The following GLB1 variants were observed in gnomAD, a reference collection of about 807,000 sequenced individuals.
GLB1 encodes beta-galactosidase.
Under a neutral mutation model 74.0 loss-of-function variants are expected in GLB1, and 56 were observed. That is an observed-to-expected ratio of 0.76 (90% CI 0.61 to 0.94). The LOEUF (loss-of-function observed/expected upper bound fraction) is 0.94. Ranked by LOEUF, GLB1 falls within the 40% of genes least tolerant of loss-of-function variation. The pLI, the probability that GLB1 is intolerant of heterozygous loss-of-function variation, is 0.00. For missense variants in GLB1, 787 were observed against 845.5 expected, an observed-to-expected ratio of 0.93 and a Z score of 0.86; for synonymous variants, 323 against 323.6, an observed-to-expected ratio of 1.00 and a Z score of 0.02.
chr3:33,041,750 A>G (rs1232261643), intron 10 of GLB1, among the ~76,000 whole-genome samples: 1 of 152,110 alleles, frequency 6.6e-6, no homozygotes, highest in Non-Finnish European at 1.5e-5. Flanking sequence ...AAGAATTAAT[A>G]TAACTTGCTT....
chr3:33,013,841 A>G (rs539028459), intron 15 of GLB1, among the ~76,000 whole-genome samples: 1 of 152,268 alleles, frequency 6.6e-6, no homozygotes, highest in African/African-American at 2.4e-5. Flanking sequence ...CATTCACTAC[A>G]GGAAGCCAAT....
At chr3:33,016,628 A>C in intron 14 of GLB1, 81 bp downstream of exon 14, 1 of 1,597,674 alleles carries the variant, frequency 6.3e-7, no homozygotes, top group Middle Eastern at 1.7e-4. Flanking sequence ...CTGAGATTAC[A>C]GGTGTGAGCC....
chr3:33,078,410 A>G (rs183895494), intron 1 of GLB1, among the ~76,000 whole-genome samples: 1 of 152,350 alleles, frequency 6.6e-6, no homozygotes, highest in African/African-American at 2.4e-5. Context: ...CCATCTGCTC[A>G]ATTTCAGCCT....
chr3:33,081,620 C>T (rs991045606), intron 1 of GLB1, among the ~76,000 whole-genome samples: 3 of 152,226 alleles, frequency 2.0e-5, no homozygotes, highest in African/African-American at 7.2e-5. Context: ...TGGGGCCATC[C>T]TCTGCAGGCA....
rs139907977 is a variant in GLB1 at position 33,024,204 on chromosome 3, C to T, written c.1143+47G>A. The T allele has an allele frequency of 0.012, 18,577 of 1,564,226 alleles. 148 individuals carry two copies. Among genetic ancestry groups the T allele is most frequent in the Non-Finnish European group, 0.014 (16,575 of 1,152,800 alleles). On this transcript the variant is annotated intron_variant, in intron 11 of 15. Transcript: ENST00000307363. ...TCACTGCTACTAAATTCCACTTTCT[C>T]ACTCCCATCTCTCACTTTCAAAGTT... is the stretch of plus-strand genomic sequence containing the variant.
At chr3:33,007,073 G>C (rs1041992951) in intron 15 of GLB1, among the ~76,000 whole-genome samples, 1 of 152,162 alleles carries the variant, frequency 6.6e-6, no homozygotes, top group African/African-American at 2.4e-5. Flanking sequence ...GCTGGCCTGG[G>C]ACTGTCCCCA....
rs9882717 is a variant in GLB1 at position 33,067,947 on chromosome 3, A to G, written c.457+283T>C. 0.095 allele frequency among the ~76,000 whole-genome samples: 14,507 copies of G among 152,156 alleles called. 2,096 individuals are homozygous for G. The highest frequency in any genetic ancestry group is 0.32 in the African/African-American group (13,122 of 41,432). On this transcript the variant is annotated intron_variant, in intron 4 of 15. Coordinates refer to ENST00000307363, the MANE Select transcript of GLB1 (RefSeq NM_000404.4). ...GTCACCCAGGCTATAGTGCATTGATACGATCTCGGTTCACTGCAACTTCCG... is the reference window on the plus strand; with the variant it reads ...GTCACCCAGGCTATAGTGCATTGATGCGATCTCGGTTCACTGCAACTTCCG...
the GLB1 span, among the ~76,000 whole-genome samples, chr3:32,989,552 A>G: frequency 6.6e-6 from 1 of 152,184 alleles, no homozygotes; most frequent in African/African-American, 2.4e-5. Flanking sequence ...GGGGACCCAC[A>G]TATACCGGGC....
At chr3:33,036,494 C>T (rs1037976120) in intron 10 of GLB1, among the ~76,000 whole-genome samples, 1 of 152,016 alleles carries the variant, frequency 6.6e-6, no homozygotes, top group Non-Finnish European at 1.5e-5. Flanking sequence ...TAAAAATAAG[C>T]CTACCAGCAA....
intron 1 of GLB1, among the ~76,000 whole-genome samples, chr3:33,076,447 A>G (rs1274613666): frequency 6.6e-6 from 1 of 152,228 alleles, no homozygotes; most frequent in Non-Finnish European, 1.5e-5. Context: ...TGATAGGACC[A>G]GATATGTGTT....
intron 10 of GLB1, among the ~76,000 whole-genome samples, chr3:33,043,416 C>A (rs1698584319): frequency 6.6e-6 from 1 of 151,980 alleles, no homozygotes; most frequent in Non-Finnish European, 1.5e-5. Flanking sequence ...GTATAGATGT[C>A]ACACTTAAAT....
At chr3:33,060,322 C>T (rs1699391348) in intron 5 of GLB1, among the ~76,000 whole-genome samples, 1 of 152,180 alleles carries the variant, frequency 6.6e-6, no homozygotes, top group African/African-American at 2.4e-5. Context: ...GTATTTGCTG[C>T]TTACAAGAGT....
intron 5 of GLB1, among the ~76,000 whole-genome samples, chr3:33,063,852 C>T (rs537561263): frequency 1.3e-5 from 2 of 152,220 alleles, no homozygotes; most frequent in Non-Finnish European, 2.9e-5. Context: ...CTCACACATC[C>T]CTCTGTGAGC....
At chr3:33,079,947 A>T (rs1025342012) in intron 1 of GLB1, among the ~76,000 whole-genome samples, 3 of 152,042 alleles carry the variant, frequency 2.0e-5, no homozygotes, top group Non-Finnish European at 2.9e-5. Flanking sequence ...TGCTCAGTTA[A>T]TAATTTTCAA....
At chr3:32,995,731 G>A (rs1169798808), downstream of GLB1, among the ~76,000 whole-genome samples, 1 of 150,844 alleles carries the variant, frequency 6.6e-6, no homozygotes, top group African/African-American at 2.4e-5. Context: ...TGTAATCCCA[G>A]AACTTTGGGA....
At chr3:33,030,768 C>T in intron 10 of GLB1, 1 of 985,400 alleles carries the variant, frequency 1.0e-6, no homozygotes, top group Non-Finnish European at 1.2e-6. Context: ...TCTACAGTGA[C>T]CCATTTCCAA....
chr3:32,961,613 G>A, the GLB1 span, among the ~76,000 whole-genome samples: 6 of 152,314 alleles, frequency 3.9e-5, no homozygotes, highest in Middle Eastern at 3.4e-3. Flanking sequence ...TGCTGCCATC[G>A]CCTTCGTCCT....
Position 33,045,750 on chromosome 3 carries a change from AC to A in GLB1, c.1068+369del, listed in dbSNP as rs901924200. ...GAGGATCTGTGCATTCTCTCCCATCACCCTACCTCTCACCTGAACTTTTGGA... is the reference window on the plus strand; with the variant it reads ...GAGGATCTGTGCATTCTCTCCCATCACCTACCTCTCACCTGAACTTTTGGA... On this transcript the variant is annotated intron_variant, in intron 10 of 15. Coordinates refer to ENST00000307363, the MANE Select transcript of GLB1 (RefSeq NM_000404.4). 13 of 1,158,958 alleles carry A rather than the reference AC, an allele frequency of 1.1e-5. No homozygotes were observed. The African/African-American group carries it at 1.9e-4, about 17-fold the overall frequency. 71.8% of individuals were successfully genotyped at this position (1,158,958 alleles called of 1,614,324 possible). A position where few individuals can be genotyped will look rare whatever the true frequency, so the allele number is the denominator to read the frequency against.
intron 1 of GLB1, chr3:33,096,255 C>A (rs1362154883): frequency 5.2e-6 from 2 of 382,964 alleles, no homozygotes; most frequent in South Asian, 1.1e-4. Context: ...CGCTTTGGAG[C>A]CCCTCAGCCA....
Sources: gnomAD v4.1 joint callset for allele counts (sites outside exome capture counted in the v4.1 genomes callset) on GRCh38, gnomAD v4.1.1 for gene constraint, MANE v1.5 for transcripts, NCBI Gene and HGNC (gene_info 2026-07-23, HGNC 2026-07-21) for gene names.